Variants in RBFOX1 observed in about 807,000 individuals in gnomAD.
The protein encoded by RBFOX1 is RNA binding fox-1 homolog 1.
RBFOX1 carries 8 observed loss-of-function variants against 57.7 expected under a neutral mutation model. The observed-to-expected ratio is 0.14, with a 90% CI of 0.08 to 0.25. The LOEUF (loss-of-function observed/expected upper bound fraction) is 0.25. Among genes scored for constraint, RBFOX1 ranks in the 10% least tolerant of loss-of-function variants. RBFOX1 has a pLI of 1.00. For missense variants in RBFOX1, 611 were observed against 548.5 expected, an observed-to-expected ratio of 1.11 and a Z score of -1.14; for synonymous variants, 326 against 222.4, an observed-to-expected ratio of 1.47 and a Z score of -4.15.
chr16:6,450,798 T>C lies in RBFOX1; in HGVS notation c.-64+133741T>C, dbSNP rs1364094864. On this transcript the variant is annotated intron_variant, in intron 2 of 15. Coordinates refer to ENST00000550418, the MANE Select transcript of RBFOX1 (RefSeq NM_018723.4). ...ATATATATATATATATACATATATATATGTATATATATATATATACATATA... is the reference window on the plus strand; with the variant it reads ...ATATATATATATATATACATATATACATGTATATATATATATATACATATA... Among the ~76,000 whole-genome samples the C allele has an allele frequency of 7.2e-4, 15 of 20,944 alleles. 1 individual carries two copies. The highest frequency in any genetic ancestry group is 5.8e-3 in the African/African-American group (15 of 2,578). The allele number at this position is 20,944 out of a possible 152,430, so 13.7% of individuals were successfully genotyped here.
intron 4 of RBFOX1, among the ~76,000 whole-genome samples, chr16:7,492,991 G>C (rs1366983960): frequency 6.6e-6 from 1 of 152,160 alleles, no homozygotes; most frequent in Non-Finnish European, 1.5e-5. Context: ...CGATTCTCCT[G>C]CCTCAGCCTG....
chr16:7,139,376 G>C (rs1429452147), intron 4 of RBFOX1, among the ~76,000 whole-genome samples: 1 of 152,078 alleles, frequency 6.6e-6, no homozygotes, highest in East Asian at 1.9e-4. Flanking sequence ...GCCATGCTTG[G>C]CTTCATCCCT....
intron 3 of RBFOX1, among the ~76,000 whole-genome samples, chr16:6,940,504 G>A (rs972486883): frequency 6.6e-6 from 1 of 152,184 alleles, no homozygotes; most frequent in Non-Finnish European, 1.5e-5. Flanking sequence ...ATGAAGGGAA[G>A]AATAATTCTC....
At chr16:6,306,744 T>A (rs2079556803) in intron 1 of RBFOX1, among the ~76,000 whole-genome samples, 1 of 152,230 alleles carries the variant, frequency 6.6e-6, no homozygotes, top group African/African-American at 2.4e-5. Flanking sequence ...TGCCTGTCTT[T>A]TATCATTGAA....
At chr16:5,355,232 C>T (rs183066646) in intron 1 of RBFOX1, among the ~76,000 whole-genome samples, 13 of 152,180 alleles carry the variant, frequency 8.5e-5, no homozygotes, top group African/African-American at 2.9e-4. Flanking sequence ...TAGTTCAGGC[C>T]CCAGCAGGAA....
intron 3 of RBFOX1, among the ~76,000 whole-genome samples, chr16:6,807,318 A>G (rs2087097081): frequency 6.6e-6 from 1 of 152,224 alleles, no homozygotes; most frequent in African/African-American, 2.4e-5. Context: ...CATACAATGA[A>G]GAGAACTTGG....
intron 3 of RBFOX1, among the ~76,000 whole-genome samples, chr16:6,709,933 T>G (rs1380304299): frequency 6.6e-6 from 1 of 152,028 alleles, no homozygotes; most frequent in African/African-American, 2.4e-5. Flanking sequence ...CCTTTTGAGG[T>G]GAATCACTTG....
Position 7,493,317 on chromosome 16 carries a change from T to C in RBFOX1, c.28-24830T>C, listed in dbSNP as rs118146556. 2.5e-3 allele frequency among the ~76,000 whole-genome samples: 380 copies of C among 152,302 alleles called. 3 individuals are homozygous for C. In the East Asian group the frequency reaches 0.032, roughly 13 times the overall value. ...TTTCCTGTGTTAGACAGTACAGATA[T>C]GGAATATTTCTGTCATCTCAGCAAG... is the stretch of plus-strand genomic sequence containing the variant. On this transcript the variant is annotated intron_variant, in intron 4 of 15. Transcript: ENST00000550418.
intron 2 of RBFOX1, among the ~76,000 whole-genome samples, chr16:6,469,315 G>T (rs574451780): frequency 6.6e-6 from 1 of 152,236 alleles, no homozygotes; most frequent in Non-Finnish European, 1.5e-5. Flanking sequence ...TTACAACCAA[G>T]GTATGGGATT....
intron 1 of RBFOX1, among the ~76,000 whole-genome samples, chr16:6,103,109 C>T (rs1028254365): frequency 2.6e-5 from 4 of 152,180 alleles, no homozygotes; most frequent in Admixed American, 2.0e-4. Flanking sequence ...AACAGTAGCA[C>T]TGTGTGTCAG....
At chr16:7,139,443 C>T (rs1197295507) in intron 4 of RBFOX1, among the ~76,000 whole-genome samples, 3 of 152,094 alleles carry the variant, frequency 2.0e-5, no homozygotes, top group African/African-American at 7.2e-5. Flanking sequence ...GTCCTATATA[C>T]CTACCTGTTT....
At chr16:5,608,834 C>G (rs2047677646) in intron 3 of RBFOX1, among the ~76,000 whole-genome samples, 1 of 152,126 alleles carries the variant, frequency 6.6e-6, no homozygotes, top group Admixed American at 6.5e-5. Context: ...TTTCACAAAG[C>G]CTGTTGGGGT....
At chr16:5,518,967 G>A (rs573558688) in intron 2 of RBFOX1, among the ~76,000 whole-genome samples, 2 of 152,274 alleles carry the variant, frequency 1.3e-5, no homozygotes, top group East Asian at 1.9e-4. Flanking sequence ...AACTAAGGTG[G>A]ATGGGTGGCC....
intron 1 of RBFOX1, among the ~76,000 whole-genome samples, chr16:6,106,228 A>G (rs2096376846): frequency 6.6e-6 from 1 of 152,122 alleles, no homozygotes; most frequent in South Asian, 2.1e-4. Flanking sequence ...AGGTCTAGGC[A>G]GGCTGAATCA....
Position 7,518,172 on chromosome 16 carries a change from C to T in RBFOX1, c.53C>T (p.Pro18Leu). ...GGTAATCAGGAAGCAGCCGCTGCCCCTGACACAATGGCTCAGCCTTACGCT... is the reference window on the plus strand; with the variant it reads ...GGTAATCAGGAAGCAGCCGCTGCCCTTGACACAATGGCTCAGCCTTACGCT... ...LRGNQEAAAA[P>L]DTMAQPYASA... The change falls in exon 5 of 16, where the codon CCT becomes CTT. Residue 18 changes from proline (P) to leucine (L), a missense_variant. Transcript: ENST00000550418. 6.2e-7 allele frequency: 1 copy of T among 1,613,560 alleles called. No homozygotes were observed. The highest frequency in any genetic ancestry group is 8.5e-7 in the Non-Finnish European group (1 of 1,179,692).
intron 1 of RBFOX1, among the ~76,000 whole-genome samples, chr16:6,186,548 G>T (rs752531641): frequency 6.6e-6 from 1 of 152,176 alleles, no homozygotes; most frequent in Non-Finnish European, 1.5e-5. Context: ...TGTGAGGTCA[G>T]GGAAAAGAAC....
intron 2 of RBFOX1, among the ~76,000 whole-genome samples, chr16:6,439,541 C>G (rs1486893917): frequency 6.6e-6 from 1 of 152,142 alleles, no homozygotes; most frequent in Admixed American, 6.5e-5. Context: ...CCCCAGTCAT[C>G]CAACCTGCAG....
intron 2 of RBFOX1, among the ~76,000 whole-genome samples, chr16:6,447,718 C>T (rs962559579): frequency 4.6e-5 from 7 of 152,192 alleles, no homozygotes; most frequent in Non-Finnish European, 1.0e-4. Context: ...TGAAAGCCGC[C>T]TGTATGCCAC....
intron 2 of RBFOX1, among the ~76,000 whole-genome samples, chr16:5,557,688 G>C (rs2045731482): frequency 6.6e-6 from 1 of 152,194 alleles, no homozygotes; most frequent in South Asian, 2.1e-4. Flanking sequence ...TAGGCTTGTG[G>C]TGCAGACAGG....
Sources: gnomAD v4.1 joint callset for allele counts (sites outside exome capture counted in the v4.1 genomes callset) on GRCh38, gnomAD v4.1.1 for gene constraint, MANE v1.5 for transcripts, NCBI Gene and HGNC (gene_info 2026-07-23, HGNC 2026-07-21) for gene names.